The following DGKB variants were observed in gnomAD, a reference collection of about 807,000 sequenced individuals.
DGKB encodes the protein 90 kDa diacylglycerol kinase.
DGKB carries 67 observed loss-of-function variants against 114.3 expected under a neutral mutation model. The ratio of observed to expected loss-of-function variants is 0.59; its 90% CI spans 0.48 to 0.72. DGKB has a LOEUF of 0.72. Ranked by LOEUF, DGKB falls within the 30% of genes least tolerant of loss-of-function variation. The pLI is 0.00. For missense variants in DGKB, 907 were observed against 975.2 expected, an observed-to-expected ratio of 0.93 and a Z score of 0.93; for synonymous variants, 398 against 323.1, an observed-to-expected ratio of 1.23 and a Z score of -2.49.
At chr7:14,846,197 A>C (rs1257778135) in intron 1 of DGKB, among the ~76,000 whole-genome samples, 1 of 152,164 alleles carries the variant, frequency 6.6e-6, no homozygotes, top group Non-Finnish European at 1.5e-5. Context: ...AGTGGCTCAA[A>C]GTAAATTTAC....
At position 14,747,479 on chromosome 7, in the gene DGKB, T is replaced by C. The variant is rs774936877; in HGVS notation, c.168+6449A>G. Among the ~76,000 whole-genome samples, 102 of 152,102 alleles carry C rather than the reference T, an allele frequency of 6.7e-4. 1 individual carries two copies. Among genetic ancestry groups the C allele is most frequent in the Admixed American group, 2.6e-4 (4 of 15,264 alleles). Reference sequence around the variant, plus strand: ...CTTGTTAGTAAAATCTTTTCAAATATCTCCTAAAATTCTATGTTGTCCACA... The same window carrying C: ...CTTGTTAGTAAAATCTTTTCAAATACCTCCTAAAATTCTATGTTGTCCACA... On this transcript the variant is annotated intron_variant, in intron 4 of 25. Transcript: ENST00000402815.
intron 21 of DGKB, among the ~76,000 whole-genome samples, chr7:14,387,011 G>A (rs1054275014): frequency 5.0e-4 from 76 of 151,868 alleles, no homozygotes; most frequent in Admixed American, 7.9e-4. Flanking sequence ...AATGGATGCC[G>A]AAAGCAGTCA....
chr7:14,311,361 TG>T (rs1009895266), intron 23 of DGKB, among the ~76,000 whole-genome samples: 1 of 152,156 alleles, frequency 6.6e-6, no homozygotes, highest in African/African-American at 2.4e-5. Context: ...TCCCCCACAC[TG>T]GTTTTTTGTT....
At chr7:14,754,833 C>A (rs1273392231) in intron 3 of DGKB, among the ~76,000 whole-genome samples, 1 of 152,172 alleles carries the variant, frequency 6.6e-6, no homozygotes, top group African/African-American at 2.4e-5. Context: ...GGAAGTGCCA[C>A]ACTCACTACA....
chr7:14,459,379 T>C (rs1230663974), intron 21 of DGKB, among the ~76,000 whole-genome samples: 2 of 152,080 alleles, frequency 1.3e-5, no homozygotes, highest in Non-Finnish European at 1.5e-5. Context: ...AATTGCTAAC[T>C]AAAATAACCA....
intron 17 of DGKB, among the ~76,000 whole-genome samples, chr7:14,606,381 CTG>C (rs1804511652): frequency 6.6e-6 from 1 of 152,046 alleles, no homozygotes; most frequent in Non-Finnish European, 1.5e-5. Flanking sequence ...CATTGGGAAA[CTG>C]ATCCCAGACA....
chr7:14,725,069 G>A (rs942154658), intron 5 of DGKB, among the ~76,000 whole-genome samples: 3 of 152,046 alleles, frequency 2.0e-5, no homozygotes, highest in African/African-American at 7.2e-5. Context: ...CTACCTAGGG[G>A]GCTGAGCAAG....
At chr7:14,747,261 T>C (rs555707570) in intron 4 of DGKB, among the ~76,000 whole-genome samples, 1 of 148,688 alleles carries the variant, frequency 6.7e-6, no homozygotes, top group East Asian at 2.0e-4. Context: ...GGCCCAATCA[T>C]AGCTCACTGC....
intron 1 of DGKB, among the ~76,000 whole-genome samples, chr7:14,882,258 T>C (rs531287466): frequency 1.2e-4 from 18 of 152,104 alleles, no homozygotes; most frequent in African/African-American, 4.3e-4. Context: ...CTGAAGGATG[T>C]AGTCCACAAA....
intron 13 of DGKB, among the ~76,000 whole-genome samples, chr7:14,657,037 G>A (rs1341789390): frequency 6.6e-6 from 1 of 151,688 alleles, no homozygotes; most frequent in Non-Finnish European, 1.5e-5. Context: ...CCTCCCAAGG[G>A]TAAGATTATG....
chr7:14,768,769 T>G (rs1435986050), intron 2 of DGKB, among the ~76,000 whole-genome samples: 1 of 151,962 alleles, frequency 6.6e-6, no homozygotes, highest in Non-Finnish European at 1.5e-5. Flanking sequence ...ATCAAAACAC[T>G]GCAAGTATGC....
chr7:14,951,302 T>G (rs1389157274), intron 1 of DGKB, among the ~76,000 whole-genome samples: 3 of 151,992 alleles, frequency 2.0e-5, no homozygotes, highest in Non-Finnish European at 4.4e-5. Context: ...AAGATATCCT[T>G]TAACGGGTGA....
Position 14,718,656 on chromosome 7 carries a change from G to C in DGKB, c.352C>G (p.Pro118Ala). ...GLRMNKGAIT[P>A]PRTTSPANTC... ...TTTGCAGGAGAAGTAGTCCGGGGAG[G>C]GGTGATGGCACCTTTATTCATTCTC... Residue 118 changes from proline (P) to alanine (A), a missense_variant, in exon 6 of 26, where the codon CCT becomes GCT. Physicochemically the swap from Pro to Ala is conservative, Grantham distance 27. Around this residue, in one of 3 missense-constraint regions of DGKB, gnomAD observed 814 missense variants for 856.6 expected, o/e 0.95. Coordinates refer to ENST00000402815, the MANE Select transcript of DGKB (RefSeq NM_001350709.2). The C allele has an allele frequency of 6.2e-7, 1 of 1,611,016 alleles. No homozygotes were observed. The highest frequency in any genetic ancestry group is 8.5e-7 in the Non-Finnish European group (1 of 1,178,332).
intron 2 of DGKB, among the ~76,000 whole-genome samples, chr7:14,812,125 T>C (rs1843527096): frequency 6.6e-6 from 1 of 152,192 alleles, no homozygotes; most frequent in Non-Finnish European, 1.5e-5. Flanking sequence ...AAAATTTCCT[T>C]CTTTTTTAAG....
intron 4 of DGKB, among the ~76,000 whole-genome samples, chr7:14,751,623 G>T (rs866897862): frequency 2.6e-5 from 4 of 152,288 alleles, no homozygotes; most frequent in Middle Eastern, 6.8e-3. Context: ...AGGAAGTGAA[G>T]CAATACAACA....
chr7:14,602,857 T>C (rs902856079), intron 17 of DGKB, among the ~76,000 whole-genome samples: 2 of 152,254 alleles, frequency 1.3e-5, no homozygotes, highest in East Asian at 1.9e-4. Flanking sequence ...ATTCAGAACA[T>C]GTTTGTTTCT....
chr7:14,803,089 C>CA lies in DGKB; in HGVS notation c.70+38104_70+38105insT, dbSNP rs1554282150. Among the ~76,000 whole-genome samples, 8 of 146,684 alleles carry CA rather than the reference C, an allele frequency of 5.5e-5. No individual in the cohort carries two copies. The East Asian group carries it at 1.0e-3, about 18-fold the overall frequency. ...GGCCTTTTGGTGTCATTTGCACAAA[C>CA]TTTTTTTTTTTTCCATTTACTCATT... On this transcript the variant is annotated intron_variant, in intron 2 of 25. Transcript: ENST00000402815.
upstream of DGKB, among the ~76,000 whole-genome samples, chr7:14,905,072 T>G (rs574694955): frequency 1.3e-5 from 2 of 152,088 alleles, no homozygotes; most frequent in East Asian, 1.9e-4. Flanking sequence ...CATTTTGAAA[T>G]TAAATCATAT....
rs778909473 is a variant in DGKB at position 14,149,171 on chromosome 7, C to T, written c.2372G>A (p.Cys791Tyr). 1.9e-6 allele frequency: 3 copies of T among 1,613,356 alleles called. No homozygotes were observed. The highest frequency in any genetic ancestry group is 1.7e-5 in the Admixed American group (1 of 59,970). The change falls in exon 26 of 26, where the codon TGC becomes TAC. Residue 791 changes from cysteine to tyrosine, a missense_variant. Physicochemically the swap from Cys to Tyr is radical, Grantham distance 194. This residue lies in a region of DGKB where 58 missense variants were observed against 52.5 expected (regional missense o/e 1.10). Coordinates refer to ENST00000402815, the MANE Select transcript of DGKB (RefSeq NM_001350709.2). ...GTTTCTTGTCCTTTTGACGAGGGAG[C>T]AGAATAAACCGGTTTTTGGAGGCGG... ...MGPPPKTGLF[C>Y]SLVKRTRNRS... is the part of the protein sequence containing the mutation.
Sources: allele counts gnomAD v4.1 joint callset (sites outside exome capture counted in the v4.1 genomes callset), GRCh38; gene constraint gnomAD v4.1.1; regional missense constraint gnomAD v4.1.1; transcripts MANE v1.5; gene names NCBI Gene and HGNC (gene_info 2026-07-23, HGNC 2026-07-21).